The following ATXN1 variants were observed in gnomAD, a reference collection of about 807,000 sequenced individuals.
The protein encoded by ATXN1 is ataxin 1, also known as ataxin-1.
ATXN1 carries 8 observed loss-of-function variants against 56.4 expected under a neutral mutation model. The observed-to-expected ratio is 0.14, with a 90% CI of 0.08 to 0.26. The LOEUF is 0.26. Among genes scored for constraint, ATXN1 ranks in the 10% least tolerant of loss-of-function variants. The probability of loss-of-function intolerance (pLI) is 1.00; values close to 1 mark genes in which losing one functional copy is unlikely to be tolerated. For synonymous variants in ATXN1, 514 were observed against 494.6 expected, an observed-to-expected ratio of 1.04 and a Z score of -0.52; for missense variants, 987 against 1,106.5, an observed-to-expected ratio of 0.89 and a Z score of 1.53.
chr6:16,475,852 A>G (rs1376101874), intron 6 of ATXN1, among the ~76,000 whole-genome samples: 1 of 150,256 alleles, frequency 6.7e-6, no homozygotes, highest in East Asian at 1.9e-4. Flanking sequence ...AGGTGTCCCT[A>G]TCTTCTCCTT....
In ATXN1 at chr6:16,321,959, C is replaced by T. The variant is rs183190790; in HGVS notation, c.1917+4435G>A. Among the ~76,000 whole-genome samples the T allele has an allele frequency of 4.1e-3, 626 of 152,302 alleles. 9 individuals carry two copies. Among genetic ancestry groups the T allele is most frequent in the Non-Finnish European group, 4.9e-3 (333 of 68,032 alleles). ...ATACGTGGCCGGGCGCCGTGGCTCA[C>T]GCCTATAATCCCAGCATTTTGGGAG... On this transcript the variant is annotated intron_variant, in intron 7 of 7. Transcript: ENST00000436367.
chr6:16,629,780 G>T (rs1484293397), intron 3 of ATXN1, among the ~76,000 whole-genome samples: 2 of 151,752 alleles, frequency 1.3e-5, no homozygotes, highest in African/African-American at 4.8e-5. Context: ...AGCTGGACGT[G>T]GTGGTGTGCG....
chr6:16,379,389 T>C (rs9477098), intron 6 of ATXN1, among the ~76,000 whole-genome samples: 22,580 of 152,062 alleles, frequency 0.15, 1,780 homozygotes, highest in African/African-American at 0.2. Context: ...ACCACCTGTA[T>C]CCCAATAACT....
At chr6:16,445,262 T>C (rs548158357) in intron 6 of ATXN1, among the ~76,000 whole-genome samples, 1 of 152,292 alleles carries the variant, frequency 6.6e-6, no homozygotes, top group African/African-American at 2.4e-5. Flanking sequence ...GATGTTGTAG[T>C]TGTGTATGAG....
chr6:16,745,932 C>CTGTGTG (rs1760517137), intron 2 of ATXN1, among the ~76,000 whole-genome samples: 4 of 84,810 alleles, frequency 4.7e-5, no homozygotes, highest in African/African-American at 1.9e-4. Context: ...GCTATGCCTT[C>CTGTGTG]CGTGTGTGTG....
At chr6:16,706,767 G>A (rs936906288) in intron 2 of ATXN1, among the ~76,000 whole-genome samples, 1 of 151,506 alleles carries the variant, frequency 6.6e-6, no homozygotes, top group African/African-American at 2.4e-5. Flanking sequence ...ACCCTGAGAG[G>A]GTTAAGTGCT....
chr6:16,666,988 T>C (rs1451847194), intron 2 of ATXN1: 3 of 152,124 alleles, frequency 2.0e-5, no homozygotes. Flanking sequence ...AGAAAGAAAA[T>C]ACGCAAAGAA....
intron 4 of ATXN1, among the ~76,000 whole-genome samples, chr6:16,547,965 C>T (rs1761845362): frequency 6.6e-6 from 1 of 152,170 alleles, no homozygotes; most frequent in Non-Finnish European, 1.5e-5. Context: ...CACCTACAGG[C>T]ATGTGTTGGG....
chr6:16,595,892 T>C (rs538756248), intron 3 of ATXN1, among the ~76,000 whole-genome samples: 2 of 152,356 alleles, frequency 1.3e-5, no homozygotes, highest in Non-Finnish European at 2.9e-5. Flanking sequence ...ATCACAGTGG[T>C]GGTGCCTTCT....
At chr6:16,600,307 G>A (rs1762890128) in intron 3 of ATXN1, among the ~76,000 whole-genome samples, 1 of 152,170 alleles carries the variant, frequency 6.6e-6, no homozygotes, top group African/African-American at 2.4e-5. Flanking sequence ...AAATGATTTT[G>A]GAGCAACACA....
Position 16,328,723 on chromosome 6 carries a change from A to AAG in ATXN1, c.-160-254_-160-253insCT, listed in dbSNP as rs2113416119. 6.6e-6 allele frequency among the ~76,000 whole-genome samples: 1 copy of AAG among 152,290 alleles called. No homozygotes were observed. Among genetic ancestry groups the AAG allele is most frequent in the East Asian group, 1.9e-4 (1 of 5,186 alleles). The stretch of plus-strand genomic sequence containing the variant: ...CAGGAGATTAAGACCATCCTGGCTA[A>AAG]CATGGTGAAACCCCGTCTCTACCAA... On this transcript the variant is annotated intron_variant, in intron 6 of 7. Coordinates refer to ENST00000436367, the MANE Select transcript of ATXN1 (RefSeq NM_001128164.2). The surrounding 1 kb of genome is among the most constrained non-coding windows in gnomAD (Gnocchi z 6.2).
chr6:16,431,775 A>C (rs556317104), intron 6 of ATXN1, among the ~76,000 whole-genome samples: 34 of 152,276 alleles, frequency 2.2e-4, no homozygotes, highest in Middle Eastern at 3.4e-3. Flanking sequence ...CCACTATGCA[A>C]CTGTGCTTTC....
intron 3 of ATXN1, among the ~76,000 whole-genome samples, chr6:16,647,036 G>A (rs189002285): frequency 3.9e-4 from 59 of 152,028 alleles, no homozygotes; most frequent in African/African-American, 1.3e-3. Context: ...AAGAAGTCTC[G>A]CTCTGTCACC....
intron 4 of ATXN1, among the ~76,000 whole-genome samples, chr6:16,550,155 CAAAAAAAA>C (rs70999336): frequency 4.4e-5 from 4 of 91,196 alleles, no homozygotes; most frequent in South Asian, 3.0e-4. Context: ...AAATAAAATA[CAAAAAAAA>C]AAAAAAAAAA....
chr6:16,662,168 A>T (rs1242446608), intron 2 of ATXN1, among the ~76,000 whole-genome samples: 1 of 152,194 alleles, frequency 6.6e-6, no homozygotes. Flanking sequence ...AACTCAGGCC[A>T]TCTGACTCCA....
At chr6:16,467,472 G>A (rs1224360181) in intron 6 of ATXN1, among the ~76,000 whole-genome samples, 1 of 152,220 alleles carries the variant, frequency 6.6e-6, no homozygotes, top group Admixed American at 6.5e-5. Context: ...TTTACATGCA[G>A]AGGAGGGAGG....
chr6:16,429,189 T>C (rs1759224497), intron 6 of ATXN1, among the ~76,000 whole-genome samples: 1 of 151,950 alleles, frequency 6.6e-6, no homozygotes, highest in South Asian at 2.1e-4. Context: ...GGTGCATCAT[T>C]TCCTAAGAAC....
chr6:16,515,928 A>C (rs1244328563), intron 5 of ATXN1, among the ~76,000 whole-genome samples: 2 of 152,134 alleles, frequency 1.3e-5, no homozygotes, highest in Non-Finnish European at 2.9e-5. Flanking sequence ...AAGCCTAATG[A>C]TCTCCATCTC....
intron 3 of ATXN1, among the ~76,000 whole-genome samples, chr6:16,601,921 G>GT (rs752286404): frequency 4.6e-5 from 7 of 152,156 alleles, no homozygotes; most frequent in Non-Finnish European, 8.8e-5. Context: ...TTGTGCAAGC[G>GT]TATTTTGTGC....
Sources: gnomAD v4.1 joint callset for allele counts (sites outside exome capture counted in the v4.1 genomes callset) on GRCh38, gnomAD v4.1.1 for gene constraint, Gnocchi (gnomAD v3.1) non-coding constraint, MANE v1.5 for transcripts, NCBI Gene and HGNC (gene_info 2026-07-23, HGNC 2026-07-21) for gene names.